PTN: variants seen among roughly 807,000 people sequenced by gnomAD.
PTN encodes heparin affin regulatory protein.
In PTN, 18 loss-of-function variants were observed where a neutral mutation model predicts 24.1. The observed-to-expected ratio is 0.75, with a 90% CI of 0.52 to 1.11. PTN has a LOEUF of 1.11. PTN is among the 50% of genes least tolerant of loss of function. PTN has a pLI of 0.00. For synonymous variants in PTN, 78 were observed against 68.6 expected (o/e 1.14, Z -0.67); for missense variants, 163 against 198.8 (o/e 0.82, Z 1.08).
At chr7:137,278,340 G>GAAAAAAAA (rs1554466606) in intron 1 of PTN, among the ~76,000 whole-genome samples, 4 of 97,346 alleles carry the variant, frequency 4.1e-5, no homozygotes, top group African/African-American at 8.0e-5. Flanking sequence ...AAAAAAAAAT[G>GAAAAAAAA]ACTACTAATC....
At chr7:137,241,649 T>C (rs1406685053) in intron 4 of PTN, among the ~76,000 whole-genome samples, 2 of 152,206 alleles carry the variant, frequency 1.3e-5, no homozygotes, top group Non-Finnish European at 2.9e-5. Flanking sequence ...TAGGTATCAT[T>C]CTACTAAGAA....
At chr7:137,316,408 A>AT (rs1405348419) in intron 1 of PTN, among the ~76,000 whole-genome samples, 4 of 152,174 alleles carry the variant, frequency 2.6e-5, no homozygotes, top group Non-Finnish European at 5.9e-5. Context: ...TTCAGGGAAC[A>AT]TAAGTCTTAC....
At chr7:137,321,146 T>A (rs1296712050) in intron 1 of PTN, among the ~76,000 whole-genome samples, 1 of 152,202 alleles carries the variant, frequency 6.6e-6, no homozygotes, top group Non-Finnish European at 1.5e-5. Flanking sequence ...CAGGTGGTAC[T>A]GAATTATATA....
chr7:137,235,058 C>T (rs1293125861), intron 4 of PTN, among the ~76,000 whole-genome samples: 1 of 152,020 alleles, frequency 6.6e-6, no homozygotes, highest in Non-Finnish European at 1.5e-5. Flanking sequence ...TGAAAAGGAA[C>T]AGTTGGAGGC....
rs58738876 is a variant in PTN at position 137,280,699 on chromosome 7, CAAAAAAA to C, written c.-1-25732_-1-25726del. Among the ~76,000 whole-genome samples, 60 of 44,350 alleles carry C rather than the reference CAAAAAAA, an allele frequency of 1.4e-3. 1 individual carries two copies. The highest frequency in any genetic ancestry group is 4.0e-3 in the African/African-American group (44 of 11,128). The allele number at this position is 44,350 out of a possible 152,430, so 29.1% of individuals were successfully genotyped here. A position where few individuals can be genotyped will look rare whatever the true frequency, so the allele number is the denominator to read the frequency against. On this transcript the variant is annotated intron_variant, in intron 1 of 4. Transcript: ENST00000348225. ...CAAAACCCCGTCTCTACTAAAAATA[CAAAAAAA>C]AAAAAAAAAAAAAAAAAAAGCTGAG...
chr7:137,244,518 T>C (rs982491547), intron 4 of PTN, among the ~76,000 whole-genome samples: 3 of 151,920 alleles, frequency 2.0e-5, no homozygotes, highest in African/African-American at 7.3e-5. Flanking sequence ...CTCCTAATGC[T>C]ATCCCTCCCC....
At chr7:137,301,662 A>G (rs1050479711) in intron 1 of PTN, among the ~76,000 whole-genome samples, 7 of 151,956 alleles carry the variant, frequency 4.6e-5, no homozygotes, top group African/African-American at 1.7e-4. Flanking sequence ...GAAAGTACCA[A>G]TGAGCTCCTT....
Position 137,343,591 on chromosome 7 carries a change from T to C in PTN, c.-154A>G. ...TCTGGACGGATGACTCACTGGTCTC[T>C]TTCTTCCCCTCTCTCCACTTTGGAT... On this transcript the variant is annotated 5_prime_UTR_variant, in exon 1 of 5. Coordinates refer to ENST00000348225, the MANE Select transcript of PTN (RefSeq NM_002825.7). The C allele has an allele frequency of 1.9e-6, 1 of 519,000 alleles. No individual in the cohort carries two copies. The highest frequency in any genetic ancestry group is 3.8e-6 in the Non-Finnish European group (1 of 259,878). 32.1% of individuals were successfully genotyped at this position (519,000 alleles called of 1,614,324 possible).
chr7:137,311,254 T>C (rs942942877), intron 1 of PTN, among the ~76,000 whole-genome samples: 1 of 150,758 alleles, frequency 6.6e-6, no homozygotes, highest in Non-Finnish European at 1.5e-5. Flanking sequence ...AAAAAAAGAA[T>C]TGAAGAGAGT....
At position 137,238,589 on chromosome 7, in the gene PTN, C is replaced by T. The variant is rs953436167; in HGVS notation, c.452-10514G>A. Among the ~76,000 whole-genome samples the T allele has an allele frequency of 5.3e-5, 8 of 152,038 alleles. No individual in the cohort carries two copies. The East Asian group carries it at 1.4e-3, about 26-fold the overall frequency. On this transcript the variant is annotated intron_variant, in intron 4 of 4. Transcript: ENST00000348225. ...TTCTTTTAGAATACCTAAAGAGATC[C>T]GGCAGTGATCACTTGGTTTGGGAAG...
Position 137,251,286 on chromosome 7 carries a change from T to A in PTN, c.395A>T (p.Gln132Leu). The A allele has an allele frequency of 6.2e-7, 1 of 1,614,160 alleles. No individual in the cohort carries two copies. Among genetic ancestry groups the A allele is most frequent in the Non-Finnish European group, 8.5e-7 (1 of 1,180,018 alleles). Reference sequence around the variant, plus strand: ...GGGCTTGGAGATGGTGACAGTCTTCTGGCATTCGGCATTGTGCAGGGCTCG... The same window carrying A: ...GGGCTTGGAGATGGTGACAGTCTTCAGGCATTCGGCATTGTGCAGGGCTCG... The part of the protein sequence containing the change: ...LKRALHNAEC[Q>L]KTVTISKPCG... Residue 132 changes from glutamine to leucine, a missense_variant, in exon 4 of 5, where the codon CAG (glutamine) becomes CTG (leucine). Gln to Leu is a moderately radical substitution (Grantham distance 113). Coordinates refer to ENST00000348225, the MANE Select transcript of PTN (RefSeq NM_002825.7).
intron 1 of PTN, among the ~76,000 whole-genome samples, chr7:137,329,760 G>A (rs769435703): frequency 6.6e-6 from 1 of 152,138 alleles, no homozygotes; most frequent in African/African-American, 2.4e-5. Flanking sequence ...AGTACTATCT[G>A]CAACTGGCAT....
intron 4 of PTN, among the ~76,000 whole-genome samples, chr7:137,236,491 C>CA (rs1808523539): frequency 6.6e-6 from 1 of 152,098 alleles, no homozygotes; most frequent in Non-Finnish European, 1.5e-5. Context: ...TACACATACA[C>CA]AGACAGAGAG....
chr7:137,324,292 C>CCTAA (rs1202782384), intron 1 of PTN, among the ~76,000 whole-genome samples: 1 of 150,718 alleles, frequency 6.6e-6, no homozygotes, highest in African/African-American at 2.5e-5. Flanking sequence ...CTACTCGGAA[C>CCTAA]GTGGAGAAAG....
chr7:137,330,008 C>A (rs888214483), intron 1 of PTN, among the ~76,000 whole-genome samples: 1 of 152,080 alleles, frequency 6.6e-6, no homozygotes, highest in South Asian at 2.1e-4. Flanking sequence ...GCCAGTTGGT[C>A]GGGTGCAGTG....
chr7:137,263,702 A>G (rs1243508492), intron 1 of PTN, among the ~76,000 whole-genome samples: 1 of 152,146 alleles, frequency 6.6e-6, no homozygotes, highest in Non-Finnish European at 1.5e-5. Context: ...TGCAGGAAGC[A>G]TAGACAGGGA....
At chr7:137,272,664 T>G (rs1809294130) in intron 1 of PTN, among the ~76,000 whole-genome samples, 2 of 152,244 alleles carry the variant, frequency 1.3e-5, no homozygotes, top group South Asian at 4.1e-4. Context: ...CAATTTCTCT[T>G]CTTTGATTAC....
At chr7:137,289,479 A>G (rs1009740188) in intron 1 of PTN, among the ~76,000 whole-genome samples, 1 of 152,206 alleles carries the variant, frequency 6.6e-6, no homozygotes, top group African/African-American at 2.4e-5. Flanking sequence ...GATGACATTA[A>G]GGTTCCAAAT....
chr7:137,324,009 A>G (rs1229368984), intron 1 of PTN, among the ~76,000 whole-genome samples: 2 of 151,946 alleles, frequency 1.3e-5, no homozygotes, highest in East Asian at 3.9e-4. Context: ...CGTTTTACAA[A>G]TGAAGAAATA....
Sources: allele counts gnomAD v4.1 joint callset (sites outside exome capture counted in the v4.1 genomes callset), GRCh38; gene constraint gnomAD v4.1.1; transcripts MANE v1.5; gene names NCBI Gene and HGNC (gene_info 2026-07-23, HGNC 2026-07-21).